DLG2: variants seen among roughly 807,000 people sequenced by gnomAD.
DLG2 encodes discs large MAGUK scaffold protein 2, also known as disks large homolog 2.
In DLG2, 45 loss-of-function variants were observed where a neutral mutation model predicts 132.5. The ratio of observed to expected loss-of-function variants is 0.34; its 90% CI spans 0.27 to 0.44. The LOEUF is 0.44. Ranked by LOEUF, DLG2 falls within the 20% of genes least tolerant of loss-of-function variation. The probability of loss-of-function intolerance (pLI) is 1.00; values close to 1 mark genes in which losing one functional copy is unlikely to be tolerated. For missense variants in DLG2, 1,045 were observed against 1,196.9 expected (o/e 0.87, Z 1.87); for synonymous variants, 424 against 419.6 (o/e 1.01, Z -0.13).
At chr11:83,499,895 A>ATATATATCTATCTATC (rs1296866569) in intron 21 of DLG2, among the ~76,000 whole-genome samples, 6 of 114,520 alleles carry the variant, frequency 5.2e-5, no homozygotes, top group African/African-American at 2.1e-4. Context: ...ATATATATAT[A>ATATATATCTATCTATC]TATCAGTTCT....
intron 7 of DLG2, among the ~76,000 whole-genome samples, chr11:84,431,579 C>A (rs905235639): frequency 1.3e-5 from 2 of 151,886 alleles, no homozygotes; most frequent in Admixed American, 6.6e-5. Flanking sequence ...TTCCTAAATT[C>A]AGAATAGGAC....
At chr11:83,587,795 G>C (rs990349544) in intron 19 of DLG2, among the ~76,000 whole-genome samples, 6 of 151,518 alleles carry the variant, frequency 4.0e-5, no homozygotes, top group Non-Finnish European at 8.8e-5. Flanking sequence ...CACCGTGCGC[G>C]AGCCGAAGCA....
intron 6 of DLG2, among the ~76,000 whole-genome samples, chr11:84,699,138 C>G (rs893564901): frequency 6.6e-6 from 1 of 151,486 alleles, no homozygotes; most frequent in Non-Finnish European, 1.5e-5. Flanking sequence ...CATCTATATT[C>G]TGGATTTCTT....
chr11:84,255,469 A>G (rs954880427), intron 7 of DLG2, among the ~76,000 whole-genome samples: 3 of 152,088 alleles, frequency 2.0e-5, no homozygotes, highest in African/African-American at 4.8e-5. Context: ...GATTACAGGC[A>G]CCTGCCACCA....
chr11:83,476,168 A>C (rs1043739644), intron 22 of DLG2, among the ~76,000 whole-genome samples: 5 of 152,136 alleles, frequency 3.3e-5, no homozygotes, highest in African/African-American at 1.2e-4. Flanking sequence ...TAGTGCCTGC[A>C]TATGATGATT....
intron 15 of DLG2, among the ~76,000 whole-genome samples, chr11:83,880,963 T>A (rs2066084265): frequency 6.6e-6 from 1 of 152,200 alleles, no homozygotes; most frequent in East Asian, 1.9e-4. Context: ...AGGTTCTTAG[T>A]TATCTTTGCT....
chr11:84,503,233 T>C (rs935180216), intron 7 of DLG2, among the ~76,000 whole-genome samples: 1 of 152,228 alleles, frequency 6.6e-6, no homozygotes, highest in African/African-American at 2.4e-5. Context: ...ATAAGAAAAC[T>C]GCTTTATTCA....
At chr11:83,912,846 C>T (rs1327919819) in intron 15 of DLG2, among the ~76,000 whole-genome samples, 1 of 152,090 alleles carries the variant, frequency 6.6e-6, no homozygotes. Context: ...AGAGAACATC[C>T]ATGAGTGCTG....
intron 6 of DLG2, among the ~76,000 whole-genome samples, chr11:85,076,307 CAT>C (rs34691112): frequency 2.6e-5 from 4 of 151,968 alleles, no homozygotes; most frequent in Admixed American, 2.6e-4. Flanking sequence ...AAATGTACCA[CAT>C]GAGATCAAAA....
chr11:85,365,104 T>C (rs2084438361), intron 3 of DLG2, among the ~76,000 whole-genome samples: 1 of 152,106 alleles, frequency 6.6e-6, no homozygotes, highest in Non-Finnish European at 1.5e-5. Context: ...AATTATTTAG[T>C]CACAAGAATT....
At chr11:84,914,079 T>C (rs887125874) in intron 6 of DLG2, among the ~76,000 whole-genome samples, 4 of 152,222 alleles carry the variant, frequency 2.6e-5, no homozygotes, top group African/African-American at 9.6e-5. Flanking sequence ...TGTGTACCTT[T>C]TTAAAGTTGT....
intron 11 of DLG2, among the ~76,000 whole-genome samples, chr11:83,992,584 T>C (rs932650031): frequency 2.0e-5 from 3 of 152,030 alleles, no homozygotes; most frequent in African/African-American, 7.2e-5. Flanking sequence ...AAGTAATAAG[T>C]AGTTTTAGGC....
At chr11:84,135,669 C>T (rs996970941) in intron 9 of DLG2, among the ~76,000 whole-genome samples, 5 of 151,996 alleles carry the variant, frequency 3.3e-5, no homozygotes, top group Admixed American at 1.3e-4. Context: ...CACGTCATGC[C>T]GTGTGGTTGG....
chr11:85,201,284 C>T (rs1046414113), intron 4 of DLG2, among the ~76,000 whole-genome samples: 1 of 152,214 alleles, frequency 6.6e-6, no homozygotes, highest in South Asian at 2.1e-4. Context: ...GCCAATGAAA[C>T]AGTCTCACCA....
At chr11:85,179,375 A>G (rs2079540190) in intron 4 of DLG2, among the ~76,000 whole-genome samples, 1 of 151,950 alleles carries the variant, frequency 6.6e-6, no homozygotes, top group Non-Finnish European at 1.5e-5. Context: ...AAAGATAAAT[A>G]GTGAGCAAAT....
intron 6 of DLG2, among the ~76,000 whole-genome samples, chr11:84,647,578 C>T (rs952876371): frequency 2.0e-5 from 3 of 152,130 alleles, no homozygotes; most frequent in East Asian, 1.9e-4. Context: ...CTCATTTCTG[C>T]GTTTATTTAA....
chr11:83,908,317 T>C (rs932733777), intron 15 of DLG2, among the ~76,000 whole-genome samples: 2 of 152,114 alleles, frequency 1.3e-5, no homozygotes, highest in African/African-American at 4.8e-5. Flanking sequence ...CTTTTTTTTT[T>C]CAGCCTCGGA....
intron 4 of DLG2, among the ~76,000 whole-genome samples, chr11:85,200,892 C>T (rs550987564): frequency 1.3e-5 from 2 of 152,258 alleles, no homozygotes; most frequent in East Asian, 3.9e-4. Flanking sequence ...TGAATCTGAG[C>T]TTTCCAGCCT....
intron 6 of DLG2, among the ~76,000 whole-genome samples, chr11:84,873,340 C>T (rs1406311353): frequency 6.6e-6 from 1 of 152,176 alleles, no homozygotes. Context: ...GACAAGAAAA[C>T]AGATTCTCTC....
Sources: allele counts gnomAD v4.1 joint callset (sites outside exome capture counted in the v4.1 genomes callset), GRCh38; gene constraint gnomAD v4.1.1; transcripts MANE v1.5; gene names NCBI Gene and HGNC (gene_info 2026-07-23, HGNC 2026-07-21).